PM20D2: variants seen among roughly 807,000 people sequenced by gnomAD.
The protein encoded by PM20D2 is xaa-Arg dipeptidase.
PM20D2 carries 33 observed loss-of-function variants against 42.9 expected under a neutral mutation model. The ratio of observed to expected loss-of-function variants is 0.77; its 90% CI spans 0.58 to 1.03. The LOEUF (loss-of-function observed/expected upper bound fraction) is 1.03, where lower values mean the gene tolerates loss of function less well. PM20D2 is among the 50% of genes least tolerant of loss of function. PM20D2 has a pLI of 0.00. For synonymous variants in PM20D2, 250 were observed against 228.2 expected (o/e 1.10, Z -0.86); for missense variants, 548 against 557.0 (o/e 0.98, Z 0.16).
At chr6:89,150,538 T>TTC (rs1770796063) in intron 2 of PM20D2, among the ~76,000 whole-genome samples, 1 of 133,652 alleles carries the variant, frequency 7.5e-6, no homozygotes, top group Non-Finnish European at 1.6e-5. Context: ...TCTCTTTTTT[T>TTC]TTTTTTTTTT....
the PM20D2 span, among the ~76,000 whole-genome samples, chr6:89,126,440 C>G: frequency 6.6e-6 from 1 of 151,598 alleles, no homozygotes; most frequent in Non-Finnish European, 1.5e-5. Flanking sequence ...AATCCTAGCA[C>G]TTTGGGAGAC....
At chr6:89,105,186 G>C in the PM20D2 span, 26 of 1,612,088 alleles carry the variant, frequency 1.6e-5, no homozygotes, top group Non-Finnish European at 9.3e-6. Flanking sequence ...GTTCTTCTTT[G>C]GCTGGGGCTT....
chr6:89,117,972 C>T, the PM20D2 span: 7 of 1,415,716 alleles, frequency 4.9e-6, no homozygotes, highest in Admixed American at 1.7e-4. Flanking sequence ...ACCACAGGAG[C>T]TCCGCCGGCC....
the PM20D2 span, among the ~76,000 whole-genome samples, chr6:89,100,965 C>T: frequency 6.6e-6 from 1 of 151,994 alleles, no homozygotes; most frequent in Admixed American, 6.6e-5. Flanking sequence ...ATTAGCCTGG[C>T]ATGGTGGTGC....
chr6:89,095,818 C>T, the PM20D2 span: 2 of 152,090 alleles, frequency 1.3e-5, no homozygotes, highest in Non-Finnish European at 2.9e-5. Flanking sequence ...GCAAGCAAGC[C>T]GCTGTCATGG....
the PM20D2 span, among the ~76,000 whole-genome samples, chr6:89,095,580 A>T: frequency 2.6e-5 from 4 of 152,270 alleles, no homozygotes; most frequent in African/African-American, 2.4e-5. Context: ...AAATAAATGC[A>T]GCAATTCTTA....
the PM20D2 span, among the ~76,000 whole-genome samples, chr6:89,125,228 C>A: frequency 6.6e-6 from 1 of 152,202 alleles, no homozygotes; most frequent in East Asian, 1.9e-4. Context: ...CGCCTGTAAT[C>A]CCAGCACTTT....
At chr6:89,114,516 A>C in the PM20D2 span, among the ~76,000 whole-genome samples, 1 of 152,318 alleles carries the variant, frequency 6.6e-6, no homozygotes, top group East Asian at 1.9e-4. Context: ...TATGGCACCT[A>C]GTACACAGTG....
At chr6:89,095,085 T>A in the PM20D2 span, among the ~76,000 whole-genome samples, 2 of 152,124 alleles carry the variant, frequency 1.3e-5, no homozygotes, top group African/African-American at 4.8e-5. Flanking sequence ...GACCTGAAGC[T>A]CTGGGTCTAT....
At chr6:89,107,903 T>C in the PM20D2 span, among the ~76,000 whole-genome samples, 6 of 152,190 alleles carry the variant, frequency 3.9e-5, no homozygotes, top group Admixed American at 1.3e-4. Flanking sequence ...CATATCCACC[T>C]CTGAAAGTTA....
At chr6:89,100,847 C>A in the PM20D2 span, among the ~76,000 whole-genome samples, 1 of 152,062 alleles carries the variant, frequency 6.6e-6, no homozygotes, top group Non-Finnish European at 1.5e-5. Context: ...GTGGCTCATG[C>A]CTGTAATCCC....
At chr6:89,147,879 C>G (rs1448374784) in intron 1 of PM20D2, among the ~76,000 whole-genome samples, 1 of 148,888 alleles carries the variant, frequency 6.7e-6, no homozygotes, top group East Asian at 2.0e-4. Context: ...GGCAACAGAG[C>G]GAGGCCTCCT....
At chr6:89,142,778 C>T (rs1357435314), upstream of PM20D2, among the ~76,000 whole-genome samples, 1 of 152,196 alleles carries the variant, frequency 6.6e-6, no homozygotes, top group African/African-American at 2.4e-5. Flanking sequence ...CTGCCTCAGC[C>T]TCCCGAATAG....
chr6:89,139,556 C>T, the PM20D2 span, among the ~76,000 whole-genome samples: 1 of 152,142 alleles, frequency 6.6e-6, no homozygotes, highest in Non-Finnish European at 1.5e-5. Context: ...CTCCCAAATA[C>T]AGTCACACTG....
chr6:89,118,723 G>T, the PM20D2 span, among the ~76,000 whole-genome samples: 5 of 152,284 alleles, frequency 3.3e-5, no homozygotes, highest in East Asian at 5.8e-4. Flanking sequence ...TCTACTATGC[G>T]CCAGGCACTT....
At chr6:89,098,636 T>C in the PM20D2 span, 2,834 of 1,613,922 alleles carry the variant, frequency 1.8e-3, 5 homozygotes, top group Non-Finnish European at 2.1e-3. Context: ...AAAATGAGAA[T>C]GCTTTGCTGT....
chr6:89,098,128 A>G, the PM20D2 span: 1 of 152,868 alleles, frequency 6.5e-6, no homozygotes, highest in Non-Finnish European at 1.5e-5. Context: ...CCCAAGTTTA[A>G]ACAGAAGACA....
upstream of PM20D2, among the ~76,000 whole-genome samples, chr6:89,141,210 G>A (rs1411573090): frequency 6.6e-6 from 1 of 152,008 alleles, no homozygotes; most frequent in East Asian, 1.9e-4. Context: ...TCACTCAGCT[G>A]TTAACCCGAG....
chr6:89,121,425 A>G, the PM20D2 span, among the ~76,000 whole-genome samples: 5 of 152,286 alleles, frequency 3.3e-5, no homozygotes, highest in Admixed American at 3.3e-4. Context: ...TCCTTAAACC[A>G]GTTGAGATGA....
Sources: gnomAD v4.1 joint callset for allele counts (sites outside exome capture counted in the v4.1 genomes callset) on GRCh38, gnomAD v4.1.1 for gene constraint, MANE v1.5 for transcripts, NCBI Gene and HGNC (gene_info 2026-07-23, HGNC 2026-07-21) for gene names.